Variants in KCNH8 observed in about 807,000 individuals in gnomAD.
KCNH8 encodes the protein potassium voltage-gated channel subfamily H member 8, also known as voltage-gated delayed rectifier potassium channel KCNH8.
Under a neutral mutation model 103.6 loss-of-function variants are expected in KCNH8, and 70 were observed. That is an observed-to-expected ratio of 0.68 (90% CI 0.56 to 0.82). The LOEUF is 0.82. Among genes scored for constraint, KCNH8 ranks in the 40% least tolerant of loss-of-function variants. The pLI, the probability that KCNH8 is intolerant of heterozygous loss-of-function variation, is 0.00. For synonymous variants in KCNH8, 498 were observed against 489.4 expected (o/e 1.02, Z -0.23); for missense variants, 1,217 against 1,329.9 (o/e 0.92, Z 1.32).
At chr3:19,482,142 AC>A (rs2125215050) in intron 11 of KCNH8, among the ~76,000 whole-genome samples, 1 of 152,270 alleles carries the variant, frequency 6.6e-6, no homozygotes, top group East Asian at 1.9e-4. Flanking sequence ...ATGCACCTGC[AC>A]CGGTAATTAG....
chr3:19,516,909 AC>A (rs1322349856), intron 14 of KCNH8, among the ~76,000 whole-genome samples: 7 of 151,680 alleles, frequency 4.6e-5, no homozygotes, highest in Non-Finnish European at 8.8e-5. Flanking sequence ...TATGCTTAAA[AC>A]CCTAAAATGG....
chr3:19,357,246 G>C (rs1431227054), intron 5 of KCNH8, among the ~76,000 whole-genome samples: 1 of 151,784 alleles, frequency 6.6e-6, no homozygotes. Context: ...AAAAATATTT[G>C]CATCCCCATT....
At chr3:19,482,886 G>A (rs558270379) in intron 11 of KCNH8, among the ~76,000 whole-genome samples, 1 of 152,260 alleles carries the variant, frequency 6.6e-6, no homozygotes, top group South Asian at 2.1e-4. Context: ...GAATAGTCAA[G>A]GCTCTGCCGG....
chr3:19,309,983 C>T (rs2065188484), intron 3 of KCNH8, among the ~76,000 whole-genome samples: 1 of 151,878 alleles, frequency 6.6e-6, no homozygotes, highest in Admixed American at 6.6e-5. Context: ...GTTTTTGGAT[C>T]TTGTACATGC....
chr3:19,212,628 T>C (rs1319276116), intron 1 of KCNH8, among the ~76,000 whole-genome samples: 3 of 152,254 alleles, frequency 2.0e-5, no homozygotes, highest in African/African-American at 7.2e-5. Flanking sequence ...CTAAATTTTC[T>C]TCTTTTGCCT....
chr3:19,450,560 A>G, intron 9 of KCNH8: 1 of 472,420 alleles, frequency 2.1e-6, no homozygotes, highest in South Asian at 2.2e-5. Context: ...TTTCCTTCTT[A>G]TTGTCTCTTT....
intron 3 of KCNH8, among the ~76,000 whole-genome samples, chr3:19,299,968 G>T (rs756930510): frequency 6.6e-6 from 1 of 151,942 alleles, no homozygotes; most frequent in Non-Finnish European, 1.5e-5. Context: ...GAAAATATGG[G>T]CCAGGCATGG....
intron 15 of KCNH8, among the ~76,000 whole-genome samples, chr3:19,519,058 G>C (rs927989376): frequency 2.0e-5 from 3 of 151,988 alleles, no homozygotes; most frequent in African/African-American, 7.2e-5. Flanking sequence ...TCCCACTGGA[G>C]ACCTCTGAGA....
intron 1 of KCNH8, among the ~76,000 whole-genome samples, chr3:19,249,925 C>G (rs139577469): frequency 3.3e-5 from 5 of 152,022 alleles, no homozygotes; most frequent in African/African-American, 1.2e-4. Context: ...TATGGGGTAT[C>G]CTATATTTCC....
intron 14 of KCNH8, among the ~76,000 whole-genome samples, chr3:19,516,211 T>C (rs2068872360): frequency 6.6e-6 from 1 of 152,078 alleles, no homozygotes; most frequent in Non-Finnish European, 1.5e-5. Flanking sequence ...AATCCTTGTA[T>C]TAGAATGTCT....
intron 3 of KCNH8, among the ~76,000 whole-genome samples, chr3:19,332,602 A>G (rs1413694850): frequency 1.3e-5 from 2 of 151,812 alleles, no homozygotes; most frequent in African/African-American, 4.8e-5. Context: ...GAAATTCCCA[A>G]CCTATTTTTT....
At chr3:19,227,529 C>G (rs2063945389) in intron 1 of KCNH8, among the ~76,000 whole-genome samples, 1 of 152,092 alleles carries the variant, frequency 6.6e-6, no homozygotes, top group Non-Finnish European at 1.5e-5. Context: ...TGTTCTCAGT[C>G]CAGAGCTTGA....
chr3:19,410,990 G>A (rs77563060), intron 7 of KCNH8, among the ~76,000 whole-genome samples: 1,682 of 151,676 alleles, frequency 0.011, 29 homozygotes, highest in African/African-American at 0.037. Flanking sequence ...AAATTGAGGC[G>A]AAGGGATTCT....
At position 19,221,844 on chromosome 3, in the gene KCNH8, C is replaced by T. The variant is rs573017764; in HGVS notation, c.77-31810C>T. On this transcript the variant is annotated intron_variant, in intron 1 of 15. Coordinates refer to ENST00000328405, the MANE Select transcript of KCNH8 (RefSeq NM_144633.3). ...CAAGAAAAAAATAACACTAGCATTC[C>T]TTTTTTTTTTTTTTCCTTCTTGAGA... 7.7e-5 allele frequency among the ~76,000 whole-genome samples: 11 copies of T among 143,566 alleles called. No homozygotes were observed. In the Admixed American group the frequency reaches 7.7e-4, roughly 10 times the overall value. 94.2% of individuals were successfully genotyped at this position (143,566 alleles called of 152,430 possible). A position where few individuals can be genotyped will look rare whatever the true frequency, so the allele number is the denominator to read the frequency against.
chr3:19,498,816 G>A (rs1418189658), intron 11 of KCNH8, among the ~76,000 whole-genome samples: 1 of 152,110 alleles, frequency 6.6e-6, no homozygotes, highest in Non-Finnish European at 1.5e-5. Context: ...ACCCTCAGCT[G>A]CAGGTCTGCT....
Position 19,438,178 on chromosome 3 carries a change from T to C in KCNH8, c.1192T>C (p.Leu398=), listed in dbSNP as rs1441355539. 1 of 1,614,062 alleles carries C rather than the reference T, an allele frequency of 6.2e-7. No homozygotes were observed. Residue 398 remains leucine, a synonymous_variant, in exon 8 of 16, where the codon TTG becomes CTG. Transcript: ENST00000328405. ...CTCCTTTGCAGGTTGGCTTCATGAG[T>C]TGGGAAAGAGACTGGAATCTCCATA... ...LKWEVGWLHE[L]GKRLESPYYG... is the part of the protein sequence containing the mutation.
intron 11 of KCNH8, among the ~76,000 whole-genome samples, chr3:19,468,238 A>T (rs1357147023): frequency 6.6e-6 from 1 of 152,246 alleles, no homozygotes. Context: ...TGCCTAGGTC[A>T]GAGCCTAATG....
At chr3:19,159,780 A>G (rs1378238554) in intron 1 of KCNH8, among the ~76,000 whole-genome samples, 3 of 152,118 alleles carry the variant, frequency 2.0e-5, no homozygotes, top group African/African-American at 4.8e-5. Flanking sequence ...ATCTATATCT[A>G]TATATCATCT....
At chr3:19,431,188 C>T (rs2067116074) in intron 7 of KCNH8, among the ~76,000 whole-genome samples, 1 of 152,128 alleles carries the variant, frequency 6.6e-6, no homozygotes, top group African/African-American at 2.4e-5. Context: ...GAGTTTTTAA[C>T]ATGAAAGGAT....
Sources: allele counts gnomAD v4.1 joint callset (sites outside exome capture counted in the v4.1 genomes callset), GRCh38; gene constraint gnomAD v4.1.1; transcripts MANE v1.5; gene names NCBI Gene and HGNC (gene_info 2026-07-23, HGNC 2026-07-21).